Variants in PDZRN4 observed in about 807,000 individuals in gnomAD.
PDZRN4 encodes PDZ domain-containing RING finger protein 4.
Under a neutral mutation model 99.0 loss-of-function variants are expected in PDZRN4, and 70 were observed. The observed-to-expected ratio is 0.71, with a 90% CI of 0.58 to 0.86. The LOEUF is 0.86. PDZRN4 is among the 40% of genes least tolerant of loss of function. PDZRN4 has a pLI of 0.00. For missense variants in PDZRN4, 1,474 were observed against 1,331.2 expected, an observed-to-expected ratio of 1.11 and a Z score of -1.67; for synonymous variants, 551 against 501.6, an observed-to-expected ratio of 1.10 and a Z score of -1.32.
intron 3 of PDZRN4, among the ~76,000 whole-genome samples, chr12:41,481,666 C>G (rs1207383489): frequency 6.6e-6 from 1 of 152,144 alleles, no homozygotes; most frequent in African/African-American, 2.4e-5. Context: ...TTTCCCTGAT[C>G]CTCAGTAATC....
In PDZRN4 at chr12:41,203,992, G is replaced by C. The variant is rs191433634; in HGVS notation, c.843+9804G>C. On this transcript the variant is annotated intron_variant, in intron 3 of 9. Coordinates refer to ENST00000402685, the MANE Select transcript of PDZRN4 (RefSeq NM_001164595.2). Reference sequence around the variant, plus strand: ...TTGAAAAGTGAAAGAACTTGAGATGGGATGCTAATGGTTGGGTATCACAGT... The same window carrying C: ...TTGAAAAGTGAAAGAACTTGAGATGCGATGCTAATGGTTGGGTATCACAGT... Among the ~76,000 whole-genome samples the C allele has an allele frequency of 2.5e-3, 382 of 152,102 alleles. 1 individual carries two copies. Among genetic ancestry groups the C allele is most frequent in the Non-Finnish European group, 2.6e-3 (177 of 67,958 alleles).
At chr12:41,230,967 G>C (rs1951024755) in intron 3 of PDZRN4, among the ~76,000 whole-genome samples, 1 of 152,068 alleles carries the variant, frequency 6.6e-6, no homozygotes, top group Admixed American at 6.6e-5. Flanking sequence ...GCCTGAATCT[G>C]CCATGGTAGG....
chr12:41,564,407 A>C (rs1451766328), intron 8 of PDZRN4, among the ~76,000 whole-genome samples: 1 of 152,184 alleles, frequency 6.6e-6, no homozygotes, highest in Non-Finnish European at 1.5e-5. Context: ...CTCCCATCAC[A>C]AGGCAGAAGG....
At chr12:41,190,632 G>T (rs1259979366) in intron 1 of PDZRN4, among the ~76,000 whole-genome samples, 64 of 152,280 alleles carry the variant, frequency 4.2e-4, no homozygotes, top group Non-Finnish European at 5.9e-5. Flanking sequence ...CCTGGGAAAA[G>T]CTCCTGGGAA....
Position 41,188,741 on chromosome 12 carries a change from G to C in PDZRN4, c.286G>C (p.Glu96Gln), listed in dbSNP as rs1283658783. ...CTGCGGCCACTCGGTCAGGCTGCAC[G>C]AGCTGGAGGCGCACGTCGAGCACTG... ...RGCGHSVRLHELEAHVEHCDF... is the reference protein window; with the variant it reads ...RGCGHSVRLHQLEAHVEHCDF... Residue 96 changes from glutamate to glutamine, a missense_variant, in exon 1 of 10, where the codon GAG becomes CAG. Glu to Gln is a conservative substitution (Grantham distance 29, BLOSUM62 2). Transcript: ENST00000402685. 6 of 1,514,958 alleles carry C rather than the reference G, an allele frequency of 4.0e-6. No homozygotes were observed. The highest frequency in any genetic ancestry group is 1.4e-5 in the African/African-American group (1 of 69,680). The allele number at this position is 1,514,958 out of a possible 1,614,324, so 93.8% of individuals were successfully genotyped here.
intron 5 of PDZRN4, among the ~76,000 whole-genome samples, chr12:41,512,844 A>G (rs1038129019): frequency 1.3e-5 from 2 of 152,042 alleles, no homozygotes; most frequent in African/African-American, 4.8e-5. Flanking sequence ...AGTTTGTGCT[A>G]TGGCAATTTT....
intron 6 of PDZRN4, among the ~76,000 whole-genome samples, chr12:41,554,834 T>C (rs1281045020): frequency 6.6e-6 from 1 of 152,000 alleles, no homozygotes; most frequent in Non-Finnish European, 1.5e-5. Context: ...TGTGTGTGTG[T>C]GTGTGTTTCT....
chr12:41,258,720 C>A (rs1237018208), intron 3 of PDZRN4, among the ~76,000 whole-genome samples: 4 of 151,936 alleles, frequency 2.6e-5, no homozygotes, highest in Non-Finnish European at 4.4e-5. Flanking sequence ...GAACAAACAC[C>A]AAATTCCTTG....
chr12:41,224,413 G>T (rs1482986379), intron 3 of PDZRN4, among the ~76,000 whole-genome samples: 1 of 152,102 alleles, frequency 6.6e-6, no homozygotes, highest in East Asian at 1.9e-4. Flanking sequence ...TACATTTATT[G>T]TATTAAATAT....
At position 41,266,138 on chromosome 12, in the gene PDZRN4, C is replaced by T. The variant is rs1440696073; in HGVS notation, c.843+71950C>T. Among the ~76,000 whole-genome samples the T allele has an allele frequency of 1.3e-4, 4 of 29,682 alleles. 2 individuals are homozygous for T. The East Asian group carries it at 6.9e-3, about 52-fold the overall frequency. The allele number at this position is 29,682 out of a possible 152,430, so 19.5% of individuals were successfully genotyped here. On this transcript the variant is annotated intron_variant, in intron 3 of 9. Coordinates refer to ENST00000402685, the MANE Select transcript of PDZRN4 (RefSeq NM_001164595.2). ...CATCCCGGCTAAAACGGTGAAACCC[C>T]GTCTCTACTAAAAATACAAAAAATT...
At chr12:41,478,550 A>C (rs910424632) in intron 3 of PDZRN4, among the ~76,000 whole-genome samples, 1 of 152,172 alleles carries the variant, frequency 6.6e-6, no homozygotes, top group African/African-American at 2.4e-5. Flanking sequence ...GTTCAAAAAC[A>C]TTTTCACCTG....
chr12:41,451,505 C>A (rs925977345), intron 3 of PDZRN4, among the ~76,000 whole-genome samples: 1 of 152,110 alleles, frequency 6.6e-6, no homozygotes, highest in Non-Finnish European at 1.5e-5. Flanking sequence ...ACTCCAGTCT[C>A]TTGAAAGCAA....
intron 3 of PDZRN4, among the ~76,000 whole-genome samples, chr12:41,446,215 T>C (rs919738323): frequency 6.8e-6 from 1 of 146,806 alleles, no homozygotes; most frequent in Non-Finnish European, 1.5e-5. Flanking sequence ...TCCCTTCTGT[T>C]TTATGTAGCT....
intron 3 of PDZRN4, among the ~76,000 whole-genome samples, chr12:41,420,814 A>T (rs1295131982): frequency 6.6e-6 from 1 of 152,090 alleles, no homozygotes; most frequent in East Asian, 1.9e-4. Flanking sequence ...CGTGTTAGTG[A>T]TCTTCACATC....
At chr12:41,377,178 T>C (rs1186710713) in intron 3 of PDZRN4, among the ~76,000 whole-genome samples, 3 of 152,222 alleles carry the variant, frequency 2.0e-5, no homozygotes, top group African/African-American at 7.2e-5. Context: ...TCCAACTTTG[T>C]TGTTCTTTCT....
At chr12:41,228,884 G>A (rs1951012431) in intron 3 of PDZRN4, among the ~76,000 whole-genome samples, 1 of 152,016 alleles carries the variant, frequency 6.6e-6, no homozygotes, top group Non-Finnish European at 1.5e-5. Flanking sequence ...TGTTCCTACA[G>A]AGATAATCTC....
intron 3 of PDZRN4, among the ~76,000 whole-genome samples, chr12:41,359,473 G>A (rs1951950225): frequency 6.6e-6 from 1 of 151,980 alleles, no homozygotes; most frequent in Non-Finnish European, 1.5e-5. Context: ...TGGTTTGGTT[G>A]TGTCCCCACC....
chr12:41,197,463 A>C (rs530598231), intron 3 of PDZRN4, among the ~76,000 whole-genome samples: 8 of 152,206 alleles, frequency 5.3e-5, no homozygotes, highest in Non-Finnish European at 1.0e-4. Context: ...CAGTCTCCAC[A>C]AGCAACTATG....
Position 41,188,850 on chromosome 12 carries a change from G to A in PDZRN4, c.395G>A (p.Gly132Asp), listed in dbSNP as rs899336703. ...GGTGGTGAGGTGCCCGCGCGGGGGG[G>A]CTGCGGTCCGACACCCAGGGCTGGC... Reference protein sequence around the residue: ...LGGGEVPARGGCGPTPRAGRG... With the variant: ...LGGGEVPARGDCGPTPRAGRG... The change falls in exon 1 of 10, where the codon GGC (glycine) becomes GAC (aspartate). Residue 132 changes from glycine to aspartate, a missense_variant. Transcript: ENST00000402685. 9.0e-5 allele frequency: 113 copies of A among 1,258,666 alleles called. No homozygotes were observed. The highest frequency in any genetic ancestry group is 1.1e-4 in the Non-Finnish European group (109 of 1,002,484). 78.0% of individuals were successfully genotyped at this position (1,258,666 alleles called of 1,614,324 possible). A position where few individuals can be genotyped will look rare whatever the true frequency, so the allele number is the denominator to read the frequency against.
Sources: allele counts gnomAD v4.1 joint callset (sites outside exome capture counted in the v4.1 genomes callset), GRCh38; gene constraint gnomAD v4.1.1; transcripts MANE v1.5; gene names NCBI Gene and HGNC (gene_info 2026-07-23, HGNC 2026-07-21).